Variants in RBM19 observed in about 807,000 individuals in gnomAD.
The protein encoded by RBM19 is probable RNA-binding protein 19.
Under a neutral mutation model 116.8 loss-of-function variants are expected in RBM19, and 94 were observed. The observed-to-expected ratio is 0.80, with a 90% confidence interval of 0.68 to 0.95. The LOEUF (loss-of-function observed/expected upper bound fraction) is 0.95, where lower values mean the gene tolerates loss of function less well. Ranked by LOEUF, RBM19 falls within the 40% of genes least tolerant of loss-of-function variation. The pLI is 0.00. For synonymous variants in RBM19, 475 were observed against 494.1 expected, an observed-to-expected ratio of 0.96 and a Z score of 0.51; for missense variants, 1,161 against 1,220.7, an observed-to-expected ratio of 0.95 and a Z score of 0.73.
intron 22 of RBM19, among the ~76,000 whole-genome samples, chr12:113,853,308 C>A (rs1248253577): frequency 6.6e-6 from 1 of 152,226 alleles, no homozygotes; most frequent in Non-Finnish European, 1.5e-5. Flanking sequence ...CAACGCCAAC[C>A]ACCATCGCGT....
At chr12:113,828,033 C>T (rs1262199795) in intron 23 of RBM19, among the ~76,000 whole-genome samples, 2 of 149,308 alleles carry the variant, frequency 1.3e-5, no homozygotes, top group East Asian at 4.0e-4. Context: ...TTACTGAGAG[C>T]ACGAGGGTGG....
chr12:113,885,374 C>G (rs768177518), intron 21 of RBM19, among the ~76,000 whole-genome samples: 12 of 151,814 alleles, frequency 7.9e-5, no homozygotes, highest in Non-Finnish European at 1.6e-4. Context: ...CTGTCAGGGT[C>G]GTGAAAAAGA....
intron 1 of RBM19, among the ~76,000 whole-genome samples, chr12:113,963,176 G>GT (rs1872641232): frequency 6.6e-6 from 1 of 152,198 alleles, no homozygotes; most frequent in Non-Finnish European, 1.5e-5. Flanking sequence ...CTGCAAAACT[G>GT]TAAGATAAGG....
intron 21 of RBM19, among the ~76,000 whole-genome samples, chr12:113,870,181 G>A (rs1007573745): frequency 8.5e-5 from 13 of 152,154 alleles, no homozygotes; most frequent in Non-Finnish European, 1.6e-4. Context: ...GTGAGCAGGC[G>A]ATGGCAAGCA....
At chr12:113,923,472 T>A (rs1868773235) in intron 18 of RBM19, among the ~76,000 whole-genome samples, 1 of 152,216 alleles carries the variant, frequency 6.6e-6, no homozygotes, top group Non-Finnish European at 1.5e-5. Context: ...ACAAGGGATG[T>A]TCTGACTTCT....
chr12:113,900,898 A>G (rs1191668088), intron 21 of RBM19, among the ~76,000 whole-genome samples: 1 of 151,766 alleles, frequency 6.6e-6, no homozygotes, highest in African/African-American at 2.4e-5. Flanking sequence ...TCCCTCCCAA[A>G]CTCCTTGGGG....
At chr12:113,907,972 G>T (rs1051503812) in intron 21 of RBM19, among the ~76,000 whole-genome samples, 1 of 152,306 alleles carries the variant, frequency 6.6e-6, no homozygotes, top group African/African-American at 2.4e-5. Context: ...CTGACCTAGG[G>T]CCTCTCTGGG....
rs149283145 is a variant in RBM19, at chr12:113,949,669, G to C, written c.1072+414C>G. ...CAACTCCAGGGAATTTGCACGTGCT[G>C]TTCCCTCTACTGAACATCCTGTCCG... On this transcript the variant is annotated intron_variant, in intron 9 of 23. Coordinates refer to ENST00000261741, the MANE Select transcript of RBM19 (RefSeq NM_016196.4). Among the ~76,000 whole-genome samples, 908 of 152,258 alleles carry C rather than the reference G, an allele frequency of 6.0e-3. 3 individuals carry two copies. The highest frequency in any genetic ancestry group is 8.8e-3 in the Non-Finnish European group (600 of 68,024).
chr12:113,923,222 G>A (rs1868744024), intron 18 of RBM19, among the ~76,000 whole-genome samples: 1 of 152,158 alleles, frequency 6.6e-6, no homozygotes, highest in African/African-American at 2.4e-5. Context: ...AAAAAAGTGT[G>A]GGTGGATTTG....
rs762350416 is a variant in RBM19 at position 113,945,906 on chromosome 12, T to C, written c.1548A>G (p.Thr516=). 1.6e-5 allele frequency: 26 copies of C among 1,581,638 alleles called. No individual in the cohort carries two copies. The highest frequency in any genetic ancestry group is 2.2e-5 in the Non-Finnish European group (25 of 1,150,602). The change falls in exon 13 of 24, where the codon ACA becomes ACG. Residue 516 remains threonine, a synonymous_variant. Coordinates refer to ENST00000261741, the MANE Select transcript of RBM19 (RefSeq NM_016196.4). ...CCACGGCATTCGGCCCCATGAATAG[T>C]GTGTTCCAGTTGTGAGAGCTAAGAG... ...ANSASSHNWN[T]LFMGPNAVAD... is the part of the protein sequence containing the mutation.
At chr12:113,909,361 T>A (rs1882286017) in intron 21 of RBM19, among the ~76,000 whole-genome samples, 1 of 149,964 alleles carries the variant, frequency 6.7e-6, no homozygotes, top group South Asian at 2.1e-4. Context: ...CTTCAAAGGA[T>A]CCTCCTGCTT....
intron 8 of RBM19, among the ~76,000 whole-genome samples, chr12:113,951,252 C>T (rs751154788): frequency 5.3e-5 from 8 of 152,142 alleles, no homozygotes; most frequent in East Asian, 1.9e-4. Flanking sequence ...CATTCAGCTG[C>T]TTTTCAACAT....
At chr12:113,919,492 A>C (rs1467469551) in intron 19 of RBM19, among the ~76,000 whole-genome samples, 1 of 152,174 alleles carries the variant, frequency 6.6e-6, no homozygotes, top group Admixed American at 6.5e-5. Flanking sequence ...AATGGCGTGA[A>C]CCTGGGAGGC....
intron 22 of RBM19, among the ~76,000 whole-genome samples, chr12:113,855,012 G>A (rs1446018995): frequency 1.3e-5 from 2 of 152,234 alleles, no homozygotes; most frequent in African/African-American, 4.8e-5. Context: ...GGAGCCTCTG[G>A]CTAGGATTCT....
intron 21 of RBM19, among the ~76,000 whole-genome samples, chr12:113,880,908 C>T (rs952157293): frequency 6.6e-6 from 1 of 152,166 alleles, no homozygotes; most frequent in Non-Finnish European, 1.5e-5. Flanking sequence ...ACATCAGGAA[C>T]GTAGACAGAA....
At chr12:113,944,201 G>A (rs754502894) in intron 13 of RBM19, among the ~76,000 whole-genome samples, 2 of 146,752 alleles carry the variant, frequency 1.4e-5, no homozygotes, top group Non-Finnish European at 3.0e-5. Context: ...GGGTTCAAGC[G>A]ATTCTCCTGC....
At chr12:113,818,383 C>T (rs969511390), downstream of RBM19, among the ~76,000 whole-genome samples, 1 of 152,184 alleles carries the variant, frequency 6.6e-6, no homozygotes, top group Admixed American at 6.5e-5. Flanking sequence ...GGTTTGCCTA[C>T]TGGGGCCAGT....
intron 21 of RBM19, among the ~76,000 whole-genome samples, chr12:113,912,921 T>A (rs116446907): frequency 0.015 from 2,227 of 152,160 alleles, 53 homozygotes; most frequent in African/African-American, 0.051. Context: ...CTGCCTTACA[T>A]CCCCAGCCGG....
At chr12:113,820,655 G>A (rs1176793857), downstream of RBM19, among the ~76,000 whole-genome samples, 1 of 152,096 alleles carries the variant, frequency 6.6e-6, no homozygotes, top group Non-Finnish European at 1.5e-5. Flanking sequence ...GGTGCAGTCT[G>A]GTGGGCGCGG....
Sources: allele counts gnomAD v4.1 joint callset (sites outside exome capture counted in the v4.1 genomes callset), GRCh38; gene constraint gnomAD v4.1.1; transcripts MANE v1.5; gene names NCBI Gene and HGNC (gene_info 2026-07-23, HGNC 2026-07-21).